The following UNKL variants were observed in gnomAD, a reference collection of about 807,000 sequenced individuals.
UNKL encodes putative E3 ubiquitin-protein ligase UNKL.
A neutral mutation model predicts 78.0 loss-of-function variants in UNKL; 60 were observed. The ratio of observed to expected loss-of-function variants is 0.77; its 90% CI spans 0.63 to 0.95. The LOEUF is 0.95. Among genes scored for constraint, UNKL ranks in the 40% least tolerant of loss-of-function variants. UNKL has a pLI of 0.00. For synonymous variants in UNKL, 608 were observed against 474.8 expected, an observed-to-expected ratio of 1.28 and a Z score of -3.65; for missense variants, 1,159 against 1,045.7, an observed-to-expected ratio of 1.11 and a Z score of -1.49.
At position 1,403,717 on chromosome 16, in the gene UNKL, C is replaced by T. The variant is rs74445738; in HGVS notation, c.288-373G>A. The stretch of plus-strand genomic sequence containing the variant: ...TGGGAATGAGAGTTCATGCCCTGCA[C>T]GCAGGCTGCGTCACCTTCCTTACCC... On this transcript the variant is annotated intron_variant, in intron 2 of 14. Transcript: ENST00000389221. The surrounding 1 kb of genome is among the most constrained non-coding windows in gnomAD (Gnocchi z 4.8). Among the ~76,000 whole-genome samples the T allele has an allele frequency of 6.6e-6, 1 of 152,212 alleles. No homozygotes were observed. The highest frequency in any genetic ancestry group is 2.4e-5 in the African/African-American group (1 of 41,446).
chr16:1,371,054 G>A (rs1024249357), intron 11 of UNKL, among the ~76,000 whole-genome samples: 1 of 145,178 alleles, frequency 6.9e-6, no homozygotes, highest in Non-Finnish European at 1.5e-5. Flanking sequence ...CTGCACTCCA[G>A]CCTGGGCGAC....
chr16:1,409,816 C>T (rs548577627), intron 2 of UNKL, among the ~76,000 whole-genome samples: 1 of 152,154 alleles, frequency 6.6e-6, no homozygotes, highest in Non-Finnish European at 1.5e-5. Flanking sequence ...CGCGGTGGCT[C>T]ATGTCTGTAA....
chr16:1,370,795 T>C (rs917386166), intron 11 of UNKL, among the ~76,000 whole-genome samples: 20 of 152,182 alleles, frequency 1.3e-4, no homozygotes, highest in Admixed American at 6.5e-5. Flanking sequence ...AAGATACATT[T>C]GTATGGGGCC....
At position 1,367,187 on chromosome 16, in the gene UNKL, C is replaced by T; in HGVS notation, c.1951G>A (p.Gly651Arg). The change falls in exon 14 of 15, where the codon GGG becomes AGG. Residue 651 changes from glycine to arginine, a missense_variant. Gly to Arg is a moderately radical substitution (Grantham distance 125, BLOSUM62 -2). Transcript: ENST00000389221. ...EGLGVASTLP[G>R]LRGCGDIGTI... The stretch of plus-strand genomic sequence containing the variant: ...CCGATGTCCCCACAGCCCCGCAGCC[C>T]CGGCAGTGTGGAGGCTACGCCCAGG... 6.2e-7 allele frequency: 1 copy of T among 1,606,202 alleles called. No homozygotes were observed. Among genetic ancestry groups the T allele is most frequent in the Non-Finnish European group, 8.5e-7 (1 of 1,178,294 alleles).
intron 2 of UNKL, among the ~76,000 whole-genome samples, chr16:1,406,829 A>C (rs907367497): frequency 1.3e-5 from 2 of 152,118 alleles, no homozygotes; most frequent in Non-Finnish European, 2.9e-5. Flanking sequence ...TTGCAAGAGG[A>C]TCTTTTAATA....
intron 2 of UNKL, among the ~76,000 whole-genome samples, chr16:1,408,192 A>T (rs904521513): frequency 6.6e-6 from 1 of 152,146 alleles, no homozygotes; most frequent in Non-Finnish European, 1.5e-5. Flanking sequence ...ATCTGTTTAA[A>T]GAGAAAAGCA....
Position 1,379,039 on chromosome 16 carries a change from T to A in UNKL, c.1264+6169A>T, listed in dbSNP as rs545586372. ...CGAGTACAGCTGGGTCAGGCCAGGC[T>A]GCCTCAGCCCCGGGCGTTAGGAAAC... On this transcript the variant is annotated intron_variant, in intron 10 of 14. Transcript: ENST00000389221. 2.0e-5 allele frequency: 3 copies of A among 152,290 alleles called. No individual in the cohort carries two copies. In the East Asian group the frequency reaches 5.8e-4, roughly 29 times the overall value. The allele number at this position is 152,290 out of a possible 1,614,324, so 9.4% of individuals were successfully genotyped here.
chr16:1,371,593 T>C lies in UNKL; in HGVS notation c.1283A>G (p.His428Arg), dbSNP rs1224958933. Reference sequence around the variant, plus strand: ...GGATGCAATATTCACATTGCTAAGATGCAGGTCTAACGCAGAACCTGTCAA... The same window carrying C: ...GGATGCAATATTCACATTGCTAAGACGCAGGTCTAACGCAGAACCTGTCAA... ...EAVLGSALDLHLSNVNIASLE... is the reference protein window; with the variant it reads ...EAVLGSALDLRLSNVNIASLE... Residue 428 changes from histidine (H) to arginine (R), a missense_variant, in exon 11 of 15, where the codon CAT becomes CGT. His to Arg is a conservative substitution (Grantham distance 29, BLOSUM62 0). Coordinates refer to ENST00000389221, the MANE Select transcript of UNKL (RefSeq NM_001372107.1). 7 of 1,536,188 alleles carry C rather than the reference T, an allele frequency of 4.6e-6. No homozygotes were observed. In the East Asian group the frequency reaches 9.8e-5, roughly 21 times the overall value.
intron 9 of UNKL, among the ~76,000 whole-genome samples, chr16:1,388,679 C>A (rs1347434125): frequency 2.0e-5 from 3 of 152,142 alleles, no homozygotes; most frequent in African/African-American, 4.8e-5. Context: ...GGGATGGGCA[C>A]AGTGAGAGGG....
intron 13 of UNKL, 124 bp downstream of exon 13, chr16:1,367,532 C>A: frequency 1.0e-6 from 1 of 955,098 alleles, no homozygotes. Flanking sequence ...TCTCACCCCC[C>A]ACACGCTCAC....
chr16:1,406,026 G>A (rs756618306), intron 2 of UNKL: 13 of 456,636 alleles, frequency 2.8e-5, no homozygotes, highest in South Asian at 1.2e-4. Context: ...TGTGGACGAG[G>A]CCCGTGGATC....
chr16:1,404,502 C>T (rs1005315184), intron 2 of UNKL, among the ~76,000 whole-genome samples: 34 of 152,140 alleles, frequency 2.2e-4, no homozygotes, highest in African/African-American at 7.7e-4. Flanking sequence ...AGCTGAGGGT[C>T]GACAGAGGCA....
chr16:1,409,075 C>A (rs981671000), intron 2 of UNKL, among the ~76,000 whole-genome samples: 8 of 152,110 alleles, frequency 5.3e-5, no homozygotes, highest in African/African-American at 1.7e-4. Context: ...CGCCACCATG[C>A]CCAGCTAATT....
rs2037619387 is a variant in UNKL, at chr16:1,403,427, C to G, written c.288-83G>C. On this transcript the variant is annotated intron_variant, in intron 2 of 14. Coordinates refer to ENST00000389221, the MANE Select transcript of UNKL (RefSeq NM_001372107.1). This position sits in a 1 kb window ranked among gnomAD's most constrained non-coding sequence, Gnocchi z 4.8. ...GCTCCCTGGGTCCACGCCCTGTCAG[C>G]ACGTGGCAAGCAGTGAATTCCCTTC... is the stretch of plus-strand genomic sequence containing the variant. 4 of 1,475,446 alleles carry G rather than the reference C, an allele frequency of 2.7e-6. No individual in the cohort carries two copies. In the Admixed American group the frequency reaches 6.4e-5, roughly 24 times the overall value. 91.4% of individuals were successfully genotyped at this position (1,475,446 alleles called of 1,614,324 possible). A position where few individuals can be genotyped will look rare whatever the true frequency, so the allele number is the denominator to read the frequency against.
At chr16:1,376,946 G>C (rs1373362323) in intron 10 of UNKL, among the ~76,000 whole-genome samples, 1 of 152,092 alleles carries the variant, frequency 6.6e-6, no homozygotes, top group Non-Finnish European at 1.5e-5. Context: ...CCTGGGATAA[G>C]AGGACCTGCT....
chr16:1,411,722 G>A (rs2038046681), intron 2 of UNKL, among the ~76,000 whole-genome samples: 1 of 152,162 alleles, frequency 6.6e-6, no homozygotes, highest in Admixed American at 6.5e-5. Flanking sequence ...CTACTCGGGA[G>A]GCTGAGGCAG....
At chr16:1,414,379 G>A (rs977494665) in intron 1 of UNKL, among the ~76,000 whole-genome samples, 5 of 151,970 alleles carry the variant, frequency 3.3e-5, no homozygotes, top group Non-Finnish European at 5.9e-5. Context: ...ACCCCGGGGC[G>A]TTCCTCCCTC....
Position 1,367,283 on chromosome 16 carries a change from G to C in UNKL, c.1855C>G (p.Arg619Gly), listed in dbSNP as rs762396534. Residue 619 changes from arginine (R) to glycine (G), a missense_variant, in exon 14 of 15, where the codon CGG becomes GGG. Transcript: ENST00000389221. ...KERARVADSD[R>G]QLALQKKEEV... Reference sequence around the variant, plus strand: ...TCCTTCTTCTGCAGCGCCAGCTGCCGGTCGCTATCGGCCACACGGGCACGC... The same window carrying C: ...TCCTTCTTCTGCAGCGCCAGCTGCCCGTCGCTATCGGCCACACGGGCACGC... 1.3e-6 allele frequency: 2 copies of C among 1,565,036 alleles called. No individual in the cohort carries two copies. Among genetic ancestry groups the C allele is most frequent in the Non-Finnish European group, 1.7e-6 (2 of 1,159,868 alleles).
At chr16:1,406,960 G>A (rs185334605) in intron 2 of UNKL, among the ~76,000 whole-genome samples, 4 of 151,844 alleles carry the variant, frequency 2.6e-5, no homozygotes, top group Non-Finnish European at 4.4e-5. Flanking sequence ...CCAACATGGT[G>A]AAACCCCATC....
Sources: gnomAD v4.1 joint callset for allele counts (sites outside exome capture counted in the v4.1 genomes callset) on GRCh38, gnomAD v4.1.1 for gene constraint, Gnocchi (gnomAD v3.1) non-coding constraint, MANE v1.5 for transcripts, NCBI Gene and HGNC (gene_info 2026-07-23, HGNC 2026-07-21) for gene names.